The following PAFAH1B1 variants were observed in gnomAD, a reference collection of about 807,000 sequenced individuals.
PAFAH1B1 encodes the protein platelet activating factor acetylhydrolase 1b regulatory subunit 1.
In PAFAH1B1, 2 loss-of-function variants were observed where a neutral mutation model predicts 57.5. That is an observed-to-expected ratio of 0.03 (90% CI 0.01 to 0.11). The LOEUF (loss-of-function observed/expected upper bound fraction) is 0.11. PAFAH1B1 is among the 10% of genes least tolerant of loss of function. The pLI is 1.00. For synonymous variants in PAFAH1B1, 152 were observed against 169.6 expected (o/e 0.90, Z 0.81); for missense variants, 257 against 512.0 (o/e 0.50, Z 4.81).
intron 1 of PAFAH1B1, among the ~76,000 whole-genome samples, chr17:2,594,701 TTTTC>T (rs2068065439): frequency 6.6e-6 from 1 of 152,194 alleles, no homozygotes; most frequent in Non-Finnish European, 1.5e-5. Context: ...TCTGGCAGGA[TTTTC>T]TTTCTGCCAC....
intron 1 of PAFAH1B1, among the ~76,000 whole-genome samples, chr17:2,618,214 A>G (rs528675677): frequency 3.3e-5 from 5 of 152,070 alleles, no homozygotes; most frequent in Non-Finnish European, 7.4e-5. Flanking sequence ...GCGCCACTAC[A>G]CTCCAGCCTG....
chr17:2,659,973 C>A (rs983947229), intron 2 of PAFAH1B1, among the ~76,000 whole-genome samples: 12 of 152,160 alleles, frequency 7.9e-5, no homozygotes, highest in Non-Finnish European at 1.5e-5. Flanking sequence ...TATATAGTTT[C>A]ATCTTGTTAT....
At chr17:2,678,945 C>G (rs2069319034) in intron 9 of PAFAH1B1, among the ~76,000 whole-genome samples, 1 of 152,154 alleles carries the variant, frequency 6.6e-6, no homozygotes, top group African/African-American at 2.4e-5. Context: ...GTGGTAGCTA[C>G]TAGCCACATG....
At chr17:2,644,932 G>C (rs2068746826) in intron 2 of PAFAH1B1, among the ~76,000 whole-genome samples, 2 of 152,116 alleles carry the variant, frequency 1.3e-5, no homozygotes, top group Non-Finnish European at 2.9e-5. Context: ...AATTTATAGA[G>C]AGCTTTAGAT....
At chr17:2,633,859 G>A (rs984587951) in intron 1 of PAFAH1B1, among the ~76,000 whole-genome samples, 1 of 151,490 alleles carries the variant, frequency 6.6e-6, no homozygotes, top group Non-Finnish European at 1.5e-5. Context: ...AGCCTCAGTT[G>A]TAGGCTCTTT....
chr17:2,606,111 A>AT (rs796594867), intron 1 of PAFAH1B1, among the ~76,000 whole-genome samples: 64 of 152,318 alleles, frequency 4.2e-4, no homozygotes, highest in African/African-American at 1.4e-3. Context: ...TAGGCGGTAT[A>AT]TTAGTCCCTT....
intron 2 of PAFAH1B1, among the ~76,000 whole-genome samples, chr17:2,664,837 C>A (rs2069082465): frequency 6.6e-6 from 1 of 152,106 alleles, no homozygotes. Flanking sequence ...ATGTCTCATT[C>A]TACGACAGTA....
intron 3 of PAFAH1B1, 45 bp from the exon 4 acceptor site, chr17:2,665,971 C>G: frequency 7.2e-7 from 1 of 1,383,624 alleles, no homozygotes; most frequent in East Asian, 2.6e-5. Flanking sequence ...TCTTGAGGAT[C>G]ATAGTTAAGC....
chr17:2,666,935 G>C, intron 4 of PAFAH1B1, 57 bp from the exon 5 acceptor site: 1 of 1,364,416 alleles, frequency 7.3e-7, no homozygotes, highest in Non-Finnish European at 1.0e-6. Flanking sequence ...TTTTTAAAAT[G>C]TCACATGCTA....
intron 2 of PAFAH1B1, among the ~76,000 whole-genome samples, chr17:2,652,351 C>T (rs921897594): frequency 2.6e-5 from 4 of 152,168 alleles, no homozygotes; most frequent in African/African-American, 7.2e-5. Context: ...GGAGGCGGAG[C>T]TTGCAGTGAG....
At chr17:2,635,282 C>T (rs1312156328) in intron 1 of PAFAH1B1, 4 of 151,992 alleles carry the variant, frequency 2.6e-5, no homozygotes, top group East Asian at 3.9e-4. Flanking sequence ...TTGTTCAGTA[C>T]ACCAATATAT....
chr17:2,607,798 T>A (rs1227751331), intron 1 of PAFAH1B1, among the ~76,000 whole-genome samples: 1 of 152,184 alleles, frequency 6.6e-6, no homozygotes, highest in Non-Finnish European at 1.5e-5. Flanking sequence ...ATGTCCCTTT[T>A]GTACTTCTTT....
intron 7 of PAFAH1B1, chr17:2,673,718 A>G (rs1053568244): frequency 1.1e-5 from 3 of 277,822 alleles, no homozygotes; most frequent in South Asian, 4.1e-5. Flanking sequence ...ATAGAATTAC[A>G]CTTGATTTTT....
At chr17:2,634,353 T>A (rs2068595607) in intron 1 of PAFAH1B1, among the ~76,000 whole-genome samples, 1 of 152,076 alleles carries the variant, frequency 6.6e-6, no homozygotes, top group South Asian at 2.1e-4. Flanking sequence ...GCCAGGCTGG[T>A]CTTGAACTCC....
intron 8 of PAFAH1B1, 126 bp downstream of exon 8, chr17:2,674,414 T>A (rs1042350153): frequency 1.9e-5 from 14 of 732,712 alleles, no homozygotes; most frequent in Non-Finnish European, 3.2e-5. Context: ...ATTCTGAATC[T>A]TGAAATTCTC....
intron 1 of PAFAH1B1, among the ~76,000 whole-genome samples, chr17:2,626,337 G>A (rs545543613): frequency 4.5e-4 from 68 of 152,158 alleles, no homozygotes; most frequent in Non-Finnish European, 8.2e-4. Flanking sequence ...AGGTAAAATT[G>A]TATTCTTAAA....
chr17:2,607,920 AAT>A (rs1354457388), intron 1 of PAFAH1B1, among the ~76,000 whole-genome samples: 12 of 152,144 alleles, frequency 7.9e-5, no homozygotes, highest in African/African-American at 2.9e-4. Flanking sequence ...ATCTATAAAC[AAT>A]ATATAGTAGT....
intron 2 of PAFAH1B1, chr17:2,642,419 A>G (rs2068707962): frequency 6.6e-6 from 1 of 152,210 alleles, no homozygotes; most frequent in African/African-American, 2.4e-5. Flanking sequence ...ATAAGTGTTC[A>G]GAAAAAAATA....
intron 1 of PAFAH1B1, among the ~76,000 whole-genome samples, chr17:2,603,279 A>C (rs1409322063): frequency 1.3e-5 from 2 of 152,126 alleles, no homozygotes; most frequent in African/African-American, 4.8e-5. Context: ...CCTCCTGAGT[A>C]GCTGGGTCTA....
Sources: gnomAD v4.1 joint callset for allele counts (sites outside exome capture counted in the v4.1 genomes callset) on GRCh38, gnomAD v4.1.1 for gene constraint, MANE v1.5 for transcripts, NCBI Gene and HGNC (gene_info 2026-07-23, HGNC 2026-07-21) for gene names.